TTC27: variants seen among roughly 807,000 people sequenced by gnomAD.
The protein encoded by TTC27 is tetratricopeptide repeat domain 27.
A neutral mutation model predicts 115.9 loss-of-function variants in TTC27; 79 were observed. That is an observed-to-expected ratio of 0.68 (90% CI 0.57 to 0.82). The LOEUF is 0.82. Among genes scored for constraint, TTC27 ranks in the 40% least tolerant of loss-of-function variants. The pLI is 0.00. For missense variants in TTC27, 1,054 were observed against 993.1 expected, an observed-to-expected ratio of 1.06 and a Z score of -0.82; for synonymous variants, 401 against 356.0, an observed-to-expected ratio of 1.13 and a Z score of -1.42.
At chr2:32,655,630 G>A (rs1665287348) in intron 5 of TTC27, among the ~76,000 whole-genome samples, 2 of 152,046 alleles carry the variant, frequency 1.3e-5, no homozygotes, top group African/African-American at 2.4e-5. Flanking sequence ...ACTCTTGGAA[G>A]TTTGCATCTA....
At chr2:32,646,173 C>T (rs747735047) in intron 4 of TTC27, among the ~76,000 whole-genome samples, 29 of 152,032 alleles carry the variant, frequency 1.9e-4, no homozygotes, top group Middle Eastern at 3.4e-3. Flanking sequence ...GGACTACAGG[C>T]GCCCACCACC....
At chr2:32,722,284 A>G (rs1194660693) in intron 10 of TTC27, among the ~76,000 whole-genome samples, 1 of 152,202 alleles carries the variant, frequency 6.6e-6, no homozygotes, top group African/African-American at 2.4e-5. Context: ...TTTCATCTGC[A>G]TTAATAACTG....
chr2:32,793,845 G>C (rs1033454987), intron 16 of TTC27, among the ~76,000 whole-genome samples: 1 of 151,906 alleles, frequency 6.6e-6, no homozygotes, highest in African/African-American at 2.4e-5. Context: ...TTTTTTAACT[G>C]TACTCTTTGT....
At chr2:32,801,111 T>A (rs145236539) in intron 16 of TTC27, among the ~76,000 whole-genome samples, 59 of 152,236 alleles carry the variant, frequency 3.9e-4, no homozygotes, top group African/African-American at 1.2e-3. Context: ...AACCAGAAAA[T>A]GATTTCCAGA....
chr2:32,768,368 C>A (rs1370927729), intron 13 of TTC27, among the ~76,000 whole-genome samples: 2 of 152,084 alleles, frequency 1.3e-5, no homozygotes, highest in Non-Finnish European at 2.9e-5. Context: ...TTTATTTAAA[C>A]CGTGTAATTT....
intron 7 of TTC27, among the ~76,000 whole-genome samples, chr2:32,667,113 A>G (rs576964111): frequency 7.2e-5 from 11 of 152,092 alleles, no homozygotes; most frequent in Admixed American, 1.3e-4. Context: ...CAGTTTCTCT[A>G]TCTGCTATCA....
chr2:32,730,053 G>C (rs1668241465), intron 10 of TTC27, among the ~76,000 whole-genome samples: 1 of 152,066 alleles, frequency 6.6e-6, no homozygotes, highest in African/African-American at 2.4e-5. Flanking sequence ...TCGCATTCAT[G>C]CACATAAATA....
chr2:32,792,719 G>A lies in TTC27; in HGVS notation c.1998+5570G>A, dbSNP rs114917913. 8.4e-3 allele frequency among the ~76,000 whole-genome samples: 1,279 copies of A among 152,316 alleles called. 14 individuals carry two copies. The highest frequency in any genetic ancestry group is 0.03 in the African/African-American group (1,246 of 41,574). ...GTAGTTTTTGTAATGGGTTAAGGCAGTCCTATTCCTTCCTGCTTTGAGGAC... is the reference window on the plus strand; with the variant it reads ...GTAGTTTTTGTAATGGGTTAAGGCAATCCTATTCCTTCCTGCTTTGAGGAC... On this transcript the variant is annotated intron_variant, in intron 16 of 19. Coordinates refer to ENST00000317907, the MANE Select transcript of TTC27 (RefSeq NM_017735.5).
At chr2:32,787,515 CA>C (rs1426865981) in intron 16 of TTC27, among the ~76,000 whole-genome samples, 2 of 152,060 alleles carry the variant, frequency 1.3e-5, no homozygotes, top group Non-Finnish European at 2.9e-5. Flanking sequence ...CTCACTTGTT[CA>C]TTCATTTAAC....
At chr2:32,753,607 G>C (rs1007092080) in intron 12 of TTC27, among the ~76,000 whole-genome samples, 1 of 151,644 alleles carries the variant, frequency 6.6e-6, no homozygotes, top group Non-Finnish European at 1.5e-5. Flanking sequence ...GTGCCACCGC[G>C]CCCATATTTT....
intron 11 of TTC27, 107 bp from the exon 12 acceptor site, chr2:32,736,587 T>C (rs941310890): frequency 9.4e-6 from 11 of 1,175,660 alleles, no homozygotes; most frequent in Non-Finnish European, 1.3e-5. Flanking sequence ...TATACATTTA[T>C]TACAATAAGC....
intron 10 of TTC27, among the ~76,000 whole-genome samples, chr2:32,730,866 C>T (rs1572557231): frequency 6.6e-6 from 1 of 152,240 alleles, no homozygotes; most frequent in Non-Finnish European, 1.5e-5. Flanking sequence ...AAGTGATCCT[C>T]CCACCTCGGC....
intron 13 of TTC27, among the ~76,000 whole-genome samples, chr2:32,767,983 T>C (rs1669697185): frequency 6.6e-6 from 1 of 152,146 alleles, no homozygotes; most frequent in Admixed American, 6.5e-5. Context: ...TAGCAGGTAA[T>C]CTTAGGAAAA....
At chr2:32,758,831 A>G (rs1452979022) in intron 13 of TTC27, among the ~76,000 whole-genome samples, 1 of 152,238 alleles carries the variant, frequency 6.6e-6, no homozygotes, top group Non-Finnish European at 1.5e-5. Flanking sequence ...GTTAGGAAGA[A>G]AATGAACAAG....
intron 12 of TTC27, among the ~76,000 whole-genome samples, chr2:32,745,142 C>T (rs1294538748): frequency 3.4e-5 from 5 of 147,470 alleles, no homozygotes; most frequent in Admixed American, 3.4e-4. Context: ...TTATGCAACA[C>T]AATTTTTTAG....
chr2:32,700,599 G>A (rs1488539716), intron 9 of TTC27, among the ~76,000 whole-genome samples: 2 of 152,110 alleles, frequency 1.3e-5, no homozygotes. Context: ...GTGCAGTGGT[G>A]CAATCTCGGC....
At chr2:32,707,858 G>A (rs530712988) in intron 10 of TTC27, among the ~76,000 whole-genome samples, 1 of 152,156 alleles carries the variant, frequency 6.6e-6, no homozygotes, top group Admixed American at 6.5e-5. Context: ...GGGTAGCAGA[G>A]CTCCTTGGAT....
chr2:32,763,775 T>C (rs1220033714), intron 13 of TTC27, among the ~76,000 whole-genome samples: 1 of 152,216 alleles, frequency 6.6e-6, no homozygotes, highest in Non-Finnish European at 1.5e-5. Flanking sequence ...TTGCTAGCTA[T>C]TGTTCACTTA....
At chr2:32,634,914 C>A (rs1664354619) in intron 3 of TTC27, among the ~76,000 whole-genome samples, 2 of 152,158 alleles carry the variant, frequency 1.3e-5, no homozygotes, top group African/African-American at 4.8e-5. Context: ...ACCTCAGCCT[C>A]CCAAAGTGCT....
Sources: allele counts gnomAD v4.1 joint callset (sites outside exome capture counted in the v4.1 genomes callset), GRCh38; gene constraint gnomAD v4.1.1; transcripts MANE v1.5; gene names NCBI Gene and HGNC (gene_info 2026-07-23, HGNC 2026-07-21).